Variants in ADGRV1 observed in about 807,000 individuals in gnomAD.
ADGRV1 encodes the protein G-protein coupled receptor 98.
ADGRV1 carries 359 observed loss-of-function variants against 596.2 expected under a neutral mutation model. The ratio of observed to expected loss-of-function variants is 0.60; its 90% CI spans 0.55 to 0.66. The LOEUF is 0.66. Among genes scored for constraint, ADGRV1 ranks in the 30% least tolerant of loss-of-function variants. The pLI is 0.00. For synonymous variants in ADGRV1, 2,681 were observed against 2,679.2 expected, an observed-to-expected ratio of 1.00 and a Z score of -0.02; for missense variants, 7,274 against 7,575.6, an observed-to-expected ratio of 0.96 and a Z score of 1.48.
intron 86 of ADGRV1, among the ~76,000 whole-genome samples, chr5:91,097,932 T>A (rs1232380082): frequency 2.0e-5 from 3 of 152,212 alleles, no homozygotes; most frequent in African/African-American, 7.2e-5. Context: ...TGTTGTTAAG[T>A]TGTAGGAGTC....
At chr5:90,912,509 GTT>G (rs1404525460) in intron 83 of ADGRV1, among the ~76,000 whole-genome samples, 2 of 152,154 alleles carry the variant, frequency 1.3e-5, no homozygotes, top group African/African-American at 4.8e-5. Flanking sequence ...GCACCGAGTA[GTT>G]AGCTTTTCAA....
chr5:91,109,557 AACAC>A (rs1792183952), intron 87 of ADGRV1, among the ~76,000 whole-genome samples: 1 of 152,176 alleles, frequency 6.6e-6, no homozygotes, highest in Non-Finnish European at 1.5e-5. Context: ...ATGTTTCCTT[AACAC>A]TGAATGGGCT....
chr5:91,063,047 C>T (rs1787584778), intron 85 of ADGRV1, among the ~76,000 whole-genome samples: 1 of 149,456 alleles, frequency 6.7e-6, no homozygotes, highest in South Asian at 2.1e-4. Context: ...CAACCTCCAC[C>T]TCCTGGGCTC....
intron 82 of ADGRV1, among the ~76,000 whole-genome samples, chr5:90,862,726 C>G (rs1005396886): frequency 6.6e-6 from 1 of 152,190 alleles, no homozygotes; most frequent in Non-Finnish European, 1.5e-5. Flanking sequence ...TAACGCAAAG[C>G]TTCCCTTGTT....
At chr5:90,671,144 G>A (rs1424149954) in intron 21 of ADGRV1, among the ~76,000 whole-genome samples, 1 of 152,212 alleles carries the variant, frequency 6.6e-6, no homozygotes, top group Admixed American at 6.5e-5. Flanking sequence ...CCATCAGGAT[G>A]CAGTGTGTGC....
At chr5:90,642,832 A>G in intron 12 of ADGRV1, 24 bp from the exon 13 acceptor site, 1 of 1,598,050 alleles carries the variant, frequency 6.3e-7, no homozygotes, top group Non-Finnish European at 8.5e-7. Flanking sequence ...AAGGGTTTCA[A>G]CTTTTGTGGA....
At position 90,725,074 on chromosome 5, in the gene ADGRV1, C is replaced by T. The variant is rs1293720717; in HGVS notation, c.9907-12C>T. 6.5e-7 allele frequency: 1 copy of T among 1,532,286 alleles called. No homozygotes were observed. The highest frequency in any genetic ancestry group is 1.2e-5 in the South Asian group (1 of 81,984). The allele number at this position is 1,532,286 out of a possible 1,614,324, so 94.9% of individuals were successfully genotyped here. On this transcript the variant is annotated splice_polypyrimidine_tract_variant and intron_variant, in intron 46 of 89. Transcript: ENST00000405460. ...ATAATGAATAACTGTATTCTTATTC[C>T]TCATTTTCTAGGATTTAAATATAGA...
chr5:91,079,370 A>G (rs1789137257), intron 86 of ADGRV1, among the ~76,000 whole-genome samples: 1 of 152,186 alleles, frequency 6.6e-6, no homozygotes, highest in South Asian at 2.1e-4. Context: ...AAACACATAC[A>G]TATGGATGCC....
intron 1 of ADGRV1, among the ~76,000 whole-genome samples, chr5:90,571,338 C>G (rs1463417322): frequency 6.6e-6 from 1 of 152,182 alleles, no homozygotes; most frequent in African/African-American, 2.4e-5. Context: ...CACACAGCCT[C>G]AAAACCAGCC....
At chr5:90,567,931 G>A (rs1755859621) in intron 1 of ADGRV1, among the ~76,000 whole-genome samples, 1 of 151,952 alleles carries the variant, frequency 6.6e-6, no homozygotes, top group African/African-American at 2.4e-5. Context: ...GTAGGACAGA[G>A]TTTCACCATG....
Position 90,684,110 on chromosome 5 carries a change from G to GGAT in ADGRV1, c.6198_6200dup (p.Asp2066dup), listed in dbSNP as rs1199378743. On this transcript the variant is annotated inframe_insertion, in exon 28 of 90. Coordinates refer to ENST00000405460, the MANE Select transcript of ADGRV1 (RefSeq NM_032119.4). ...AGGCAACAATAGCTATTTCAATTTT[G>GGAT]GATGATGATGAGCCAGAAAGGTCCG... is the stretch of plus-strand genomic sequence containing the variant. 1 of 1,613,688 alleles carries GGAT rather than the reference G, an allele frequency of 6.2e-7. No homozygotes were observed. The highest frequency in any genetic ancestry group is 8.5e-7 in the Non-Finnish European group (1 of 1,179,852).
chr5:91,123,663 T>C (rs758666418), intron 87 of ADGRV1, among the ~76,000 whole-genome samples: 1 of 152,258 alleles, frequency 6.6e-6, no homozygotes, highest in Non-Finnish European at 1.5e-5. Context: ...TCTCGTTTTC[T>C]GAATTGACTT....
intron 1 of ADGRV1, among the ~76,000 whole-genome samples, chr5:90,576,611 T>C (rs1427900204): frequency 6.6e-6 from 1 of 152,232 alleles, no homozygotes. Context: ...TGATTTATAA[T>C]CCTTTGGGTA....
At chr5:90,856,147 G>T (rs186686478) in intron 82 of ADGRV1, among the ~76,000 whole-genome samples, 1 of 152,258 alleles carries the variant, frequency 6.6e-6, no homozygotes, top group African/African-American at 2.4e-5. Context: ...GTAATACAGT[G>T]TAGGATAGAA....
chr5:90,578,571 C>A (rs180775150), intron 1 of ADGRV1, among the ~76,000 whole-genome samples: 670 of 152,230 alleles, frequency 4.4e-3, no homozygotes, highest in African/African-American at 0.015. Flanking sequence ...GTCTAAAATT[C>A]TCTTTTTTTG....
intron 83 of ADGRV1, among the ~76,000 whole-genome samples, chr5:90,957,034 A>G (rs532036347): frequency 2.3e-4 from 35 of 152,312 alleles, no homozygotes; most frequent in African/African-American, 8.2e-4. Context: ...TAAACATGCT[A>G]TGTGGGCACA....
Position 90,729,610 on chromosome 5 carries a change from A to G in ADGRV1, c.10427-32A>G, listed in dbSNP as rs1429665966. The G allele has an allele frequency of 3.9e-6, 6 of 1,539,486 alleles. No individual in the cohort carries two copies. The South Asian group carries it at 6.0e-5, about 16-fold the overall frequency. On this transcript the variant is annotated intron_variant, in intron 49 of 89. Transcript: ENST00000405460. ...TGTCATTTTTTTCTGTAACTTTTGCATTAAGATTTGACTTCTATTTCATTA... is the reference window on the plus strand; with the variant it reads ...TGTCATTTTTTTCTGTAACTTTTGCGTTAAGATTTGACTTCTATTTCATTA...
rs537186410 is a variant in ADGRV1 at position 90,778,744 on chromosome 5, A to G, written c.12850-121A>G. Reference sequence around the variant, plus strand: ...ATCATTATTTTAACATATAATCTATATAATTTTATAACCTTATATGTAATT... The same window carrying G: ...ATCATTATTTTAACATATAATCTATGTAATTTTATAACCTTATATGTAATT... On this transcript the variant is annotated intron_variant, in intron 63 of 89. Coordinates refer to ENST00000405460, the MANE Select transcript of ADGRV1 (RefSeq NM_032119.4). 66 of 1,036,680 alleles carry G rather than the reference A, an allele frequency of 6.4e-5. No homozygotes were observed. In the South Asian group the frequency reaches 1.3e-3, roughly 21 times the overall value. The allele number at this position is 1,036,680 out of a possible 1,614,324, so 64.2% of individuals were successfully genotyped here.
At chr5:90,965,838 G>A (rs1429394490) in intron 84 of ADGRV1, among the ~76,000 whole-genome samples, 1 of 152,186 alleles carries the variant, frequency 6.6e-6, no homozygotes, top group Non-Finnish European at 1.5e-5. Context: ...AAAAGTAATA[G>A]AATGATTTTA....
Sources: allele counts gnomAD v4.1 joint callset (sites outside exome capture counted in the v4.1 genomes callset), GRCh38; gene constraint gnomAD v4.1.1; transcripts MANE v1.5; gene names NCBI Gene and HGNC (gene_info 2026-07-23, HGNC 2026-07-21).